The following JAM2 variants were observed in gnomAD, a reference collection of about 807,000 sequenced individuals.
JAM2 encodes the protein junctional adhesion molecule B.
JAM2 carries 17 observed loss-of-function variants against 42.0 expected under a neutral mutation model. That is an observed-to-expected ratio of 0.40 (90% CI 0.28 to 0.61). The LOEUF (loss-of-function observed/expected upper bound fraction) is 0.61, where lower values mean the gene tolerates loss of function less well. Among genes scored for constraint, JAM2 ranks in the 20% least tolerant of loss-of-function variants. JAM2 has a pLI of 0.37. For missense variants in JAM2, 319 were observed against 358.3 expected (o/e 0.89, Z 0.89); for synonymous variants, 118 against 128.6 (o/e 0.92, Z 0.56).
intron 3 of JAM2, chr21:25,692,646 T>G (rs1399353810): frequency 6.6e-6 from 1 of 150,598 alleles, no homozygotes; most frequent in Non-Finnish European, 1.5e-5. Context: ...AATGAACTTA[T>G]TATTATGACC....
At chr21:25,675,885 A>G (rs115418200) in intron 1 of JAM2, among the ~76,000 whole-genome samples, 137 of 152,282 alleles carry the variant, frequency 9.0e-4, no homozygotes, top group African/African-American at 3.1e-3. Flanking sequence ...TATCAAAACC[A>G]CATGGCCATA....
intron 1 of JAM2, among the ~76,000 whole-genome samples, 195 bp downstream of exon 1, chr21:25,640,083 G>A (rs575813334): frequency 3.5e-4 from 54 of 152,348 alleles, no homozygotes; most frequent in Admixed American, 2.6e-4. Flanking sequence ...GGAGCGCGAG[G>A]TCGTGGGTTT....
At chr21:25,712,093 T>C in intron 8 of JAM2, 1 of 448,154 alleles carries the variant, frequency 2.2e-6, no homozygotes, top group Non-Finnish European at 4.0e-6. Flanking sequence ...AAATCTTTAG[T>C]ATACTAGCCA....
intron 4 of JAM2, among the ~76,000 whole-genome samples, chr21:25,694,682 A>C (rs976698400): frequency 1.3e-5 from 2 of 151,980 alleles, no homozygotes; most frequent in African/African-American, 2.4e-5. Context: ...TCTAAAAAAA[A>C]ATAAATAAAA....
rs911417499 is a variant in JAM2 at position 25,683,795 on chromosome 21, C to T, written c.68-88C>T. ...GTAAACTTGTCACCAAACTTTAGGA[C>T]AGTTTTCTTGACTATTGCATCCCAT... On this transcript the variant is annotated intron_variant, in intron 1 of 9. Transcript: ENST00000480456. 40 of 893,300 alleles carry T rather than the reference C, an allele frequency of 4.5e-5. 4 individuals carry two copies. The South Asian group carries it at 4.5e-4, about 10-fold the overall frequency. 55.3% of individuals were successfully genotyped at this position (893,300 alleles called of 1,614,324 possible). A position where few individuals can be genotyped will look rare whatever the true frequency, so the allele number is the denominator to read the frequency against.
At chr21:25,643,706 T>G (rs114648605) in intron 1 of JAM2, 258 of 152,290 alleles carry the variant, frequency 1.7e-3, no homozygotes, top group African/African-American at 5.9e-3. Flanking sequence ...AACAACCATT[T>G]CAAGACTATG....
At chr21:25,691,767 T>C (rs1006919982) in intron 3 of JAM2, among the ~76,000 whole-genome samples, 1 of 152,178 alleles carries the variant, frequency 6.6e-6, no homozygotes, top group East Asian at 1.9e-4. Context: ...CAGTGGCTCA[T>C]GTCTGTAATC....
At chr21:25,639,942 C>A in intron 1 of JAM2, 54 bp downstream of exon 1, 1 of 1,281,044 alleles carries the variant, frequency 7.8e-7, no homozygotes, top group Non-Finnish European at 1.1e-6. Flanking sequence ...TGCCCCCACC[C>A]TCCAGCCCCC....
At chr21:25,666,426 G>C (rs1047833047) in intron 1 of JAM2, among the ~76,000 whole-genome samples, 10 of 152,064 alleles carry the variant, frequency 6.6e-5, no homozygotes, top group African/African-American at 2.4e-4. Flanking sequence ...CCGGGTTCAA[G>C]CTATTCTCCT....
intron 3 of JAM2, 66 bp from the exon 4 acceptor site, chr21:25,693,690 G>A (rs2033931893): frequency 1.5e-6 from 2 of 1,291,852 alleles, no homozygotes; most frequent in Non-Finnish European, 2.2e-6. Flanking sequence ...GAACTGATTA[G>A]AGGAAGGTAT....
At chr21:25,691,294 CT>C (rs1243467480) in intron 3 of JAM2, among the ~76,000 whole-genome samples, 1 of 152,238 alleles carries the variant, frequency 6.6e-6, no homozygotes, top group Non-Finnish European at 1.5e-5. Context: ...GCTGTCTTCA[CT>C]TGAATTTTTT....
At chr21:25,680,410 G>T (rs1158509020) in intron 1 of JAM2, among the ~76,000 whole-genome samples, 1 of 152,236 alleles carries the variant, frequency 6.6e-6, no homozygotes, top group Non-Finnish European at 1.5e-5. Flanking sequence ...ACAATTCTTA[G>T]TCTGCAGATG....
At chr21:25,682,816 T>C (rs532931178) in intron 1 of JAM2, among the ~76,000 whole-genome samples, 4 of 151,568 alleles carry the variant, frequency 2.6e-5, no homozygotes, top group Admixed American at 2.0e-4. Flanking sequence ...AGGGATGGAG[T>C]GGGAAGATGG....
Position 25,702,192 on chromosome 21 carries a change from T to C in JAM2, c.620T>C (p.Leu207Pro), listed in dbSNP as rs1032262431. The C allele has an allele frequency of 6.3e-7, 1 of 1,583,518 alleles. No individual in the cohort carries two copies. Among genetic ancestry groups the C allele is most frequent in the Non-Finnish European group, 8.6e-7 (1 of 1,157,194 alleles). ...TAGCAATTTAATACTGTTTCCAAAC[T>C]GGACACTGGAGAATATTCCTGTGAA... ...GTLQFNTVSK[L>P]DTGEYSCEAR... is the part of the protein sequence containing the mutation. The change falls in exon 6 of 10, where the codon CTG (leucine) becomes CCG (proline). Residue 207 changes from leucine (L) to proline (P), a missense_variant. Coordinates refer to ENST00000480456, the MANE Select transcript of JAM2 (RefSeq NM_021219.4).
chr21:25,641,601 T>C (rs893760734), intron 1 of JAM2, among the ~76,000 whole-genome samples: 9 of 152,166 alleles, frequency 5.9e-5, no homozygotes, highest in African/African-American at 1.9e-4. Context: ...GGGTGTTTTT[T>C]TTTTTATGTT....
At chr21:25,698,442 A>G (rs2034087694) in intron 4 of JAM2, among the ~76,000 whole-genome samples, 1 of 152,224 alleles carries the variant, frequency 6.6e-6, no homozygotes. Context: ...ACTCATGTAT[A>G]TGACCCCATC....
chr21:25,675,349 C>T (rs913245135), intron 1 of JAM2, among the ~76,000 whole-genome samples: 3 of 151,900 alleles, frequency 2.0e-5, no homozygotes, highest in African/African-American at 4.8e-5. Flanking sequence ...TACAAAAATT[C>T]ACAGGACATG....
At chr21:25,687,070 A>T (rs995991639) in intron 2 of JAM2, among the ~76,000 whole-genome samples, 2 of 152,218 alleles carry the variant, frequency 1.3e-5, no homozygotes, top group African/African-American at 4.8e-5. Flanking sequence ...TCCTACAGAG[A>T]TAACATTTTA....
chr21:25,662,848 T>C (rs1433823702), intron 1 of JAM2, among the ~76,000 whole-genome samples: 1 of 152,204 alleles, frequency 6.6e-6, no homozygotes, highest in Non-Finnish European at 1.5e-5. Flanking sequence ...CTATTGTGGG[T>C]TAAGTATGAT....
Sources: gnomAD v4.1 joint callset for allele counts (sites outside exome capture counted in the v4.1 genomes callset) on GRCh38, gnomAD v4.1.1 for gene constraint, MANE v1.5 for transcripts, NCBI Gene and HGNC (gene_info 2026-07-23, HGNC 2026-07-21) for gene names.